The following FEZ1 variants were observed in gnomAD, a reference collection of about 807,000 sequenced individuals.
FEZ1 encodes the protein fasciculation and elongation protein zeta-1.
Under a neutral mutation model 49.3 loss-of-function variants are expected in FEZ1, and 20 were observed. The observed-to-expected ratio is 0.41, with a 90% CI of 0.29 to 0.59. The LOEUF (loss-of-function observed/expected upper bound fraction) is 0.59. Ranked by LOEUF, FEZ1 falls within the 20% of genes least tolerant of loss-of-function variation. The pLI is 0.36. For synonymous variants in FEZ1, 170 were observed against 180.9 expected, an observed-to-expected ratio of 0.94 and a Z score of 0.48; for missense variants, 413 against 476.0, an observed-to-expected ratio of 0.87 and a Z score of 1.23.
In FEZ1 at chr11:125,460,551, A is replaced by G. The variant is rs761745196; in HGVS notation, c.614T>C (p.Leu205Pro). 1 of 1,614,196 alleles carries G rather than the reference A, an allele frequency of 6.2e-7. No homozygotes were observed. Among genetic ancestry groups the G allele is most frequent in the Non-Finnish European group, 8.5e-7 (1 of 1,180,036 alleles). Residue 205 changes from leucine to proline, a missense_variant, in exon 5 of 10, where the codon CTG (leucine) becomes CCG (proline). Coordinates refer to ENST00000278919, the MANE Select transcript of FEZ1 (RefSeq NM_005103.5). ...ETSSQADSVL[L>P]QEMQALTQTF... ...CTGTGTCAATGCCTGCATCTCCTGC[A>G]GGAGGACCGAGTCTGCCTGGGAGGA...
chr11:125,482,283 C>G (rs1341125848), intron 2 of FEZ1, among the ~76,000 whole-genome samples: 3 of 152,094 alleles, frequency 2.0e-5, no homozygotes, highest in Non-Finnish European at 4.4e-5. Flanking sequence ...AAGATCCTGC[C>G]CTCTAACAAT....
chr11:125,466,438 G>T (rs963968729), intron 3 of FEZ1, among the ~76,000 whole-genome samples: 1 of 151,984 alleles, frequency 6.6e-6, no homozygotes, highest in Non-Finnish European at 1.5e-5. Context: ...GCAGTGAGCC[G>T]TGATTATGCC....
chr11:125,480,368 A>G (rs1393563907), intron 3 of FEZ1, among the ~76,000 whole-genome samples: 1 of 152,140 alleles, frequency 6.6e-6, no homozygotes, highest in African/African-American at 2.4e-5. Flanking sequence ...CCTAGGCGAC[A>G]CAGTGAGACC....
Position 125,444,315 on chromosome 11 carries a change from G to GC in FEZ1, c.*1779_*1780insG, listed in dbSNP as rs1956878711. ...AAAAGCAGAAGCCGAGCTAGGCGCG[G>GC]TGACTCACGCCTATAATCCCAGCAC... On this transcript the variant is annotated 3_prime_UTR_variant, in exon 10 of 10. Transcript: ENST00000278919. 6.6e-6 allele frequency among the ~76,000 whole-genome samples: 1 copy of GC among 152,182 alleles called. No individual in the cohort carries two copies. The highest frequency in any genetic ancestry group is 2.1e-4 in the South Asian group (1 of 4,830).
At chr11:125,460,202 T>C in intron 5 of FEZ1, 1 of 269,510 alleles carries the variant, frequency 3.7e-6, no homozygotes, top group East Asian at 7.0e-5. Context: ...GATTTTATGG[T>C]AGCATCATTC....
At chr11:125,449,164 C>A (rs1348486742) in intron 8 of FEZ1, among the ~76,000 whole-genome samples, 1 of 151,720 alleles carries the variant, frequency 6.6e-6, no homozygotes, top group Non-Finnish European at 1.5e-5. Context: ...CTCTCAGCCT[C>A]CCAAGTAGCT....
chr11:125,450,637 T>C (rs759393004), intron 8 of FEZ1, among the ~76,000 whole-genome samples: 1 of 152,148 alleles, frequency 6.6e-6, no homozygotes, highest in Non-Finnish European at 1.5e-5. Flanking sequence ...TACAGGAGAA[T>C]TGGTATTCAG....
rs138138333 is a variant in FEZ1 at position 125,473,661 on chromosome 11, A to C, written c.411+7873T>G. 1.3e-4 allele frequency among the ~76,000 whole-genome samples: 20 copies of C among 152,236 alleles called. No homozygotes were observed. The East Asian group carries it at 3.1e-3, about 24-fold the overall frequency. On this transcript the variant is annotated intron_variant, in intron 3 of 9. Transcript: ENST00000278919. ...TAGTAGAACTCTGCCTCTACTAAAAATACAAAAATTAGCTGGGCATGGTTG... is the reference window on the plus strand; with the variant it reads ...TAGTAGAACTCTGCCTCTACTAAAACTACAAAAATTAGCTGGGCATGGTTG...
chr11:125,473,538 G>C (rs1368024408), intron 3 of FEZ1, among the ~76,000 whole-genome samples: 1 of 152,138 alleles, frequency 6.6e-6, no homozygotes, highest in Non-Finnish European at 1.5e-5. Flanking sequence ...TAATTTGAAG[G>C]CTGGGCACAG....
chr11:125,447,099 A>G (rs1956905818), intron 9 of FEZ1, among the ~76,000 whole-genome samples: 1 of 152,192 alleles, frequency 6.6e-6, no homozygotes, highest in African/African-American at 2.4e-5. Context: ...CTCAAGGACT[A>G]TTAACATCAC....
chr11:125,481,623 C>T lies in FEZ1; in HGVS notation c.322G>A (p.Ala108Thr), dbSNP rs1434884084. 6.2e-7 allele frequency: 1 copy of T among 1,608,316 alleles called. No homozygotes were observed. Among genetic ancestry groups the T allele is most frequent in the Admixed American group, 1.7e-5 (1 of 59,998 alleles). The change falls in exon 3 of 10, where the codon GCT becomes ACT. Residue 108 changes from alanine (A) to threonine (T), a missense_variant. Coordinates refer to ENST00000278919, the MANE Select transcript of FEZ1 (RefSeq NM_005103.5). ...GAAGGGATGTAATTGTCTGTCAGAG[C>T]ATCCCAAACCCTGTAAACAAAGAGA... Reference protein sequence around the residue: ...ETLQDEEVWDALTDNYIPSLS... With the variant: ...ETLQDEEVWDTLTDNYIPSLS...
At position 125,480,822 on chromosome 11, in the gene FEZ1, G is replaced by A. The variant is rs559294252; in HGVS notation, c.411+712C>T. 3.3e-5 allele frequency among the ~76,000 whole-genome samples: 5 copies of A among 152,152 alleles called. No individual in the cohort carries two copies. The South Asian group carries it at 6.2e-4, about 19-fold the overall frequency. On this transcript the variant is annotated intron_variant, in intron 3 of 9. Coordinates refer to ENST00000278919, the MANE Select transcript of FEZ1 (RefSeq NM_005103.5). ...TGGAAGGCCAAGGCGGGCGGATCAC[G>A]GGGTCAGGAGATCAAGACCATCCTG...
At position 125,489,660 on chromosome 11, in the gene FEZ1, C is replaced by A; in HGVS notation, c.118G>T (p.Asp40Tyr). 1 of 1,613,988 alleles carries A rather than the reference C, an allele frequency of 6.2e-7. No homozygotes were observed. The highest frequency in any genetic ancestry group is 8.5e-7 in the Non-Finnish European group (1 of 1,179,974). The stretch of plus-strand genomic sequence containing the variant: ...TTCTCAAGCTCGGAGAGGGAGGGGT[C>A]CTCGAGATGGTGGGGAGATGAACCA... ...FYGSSPHHLE[D>Y]PSLSELENFS... Residue 40 changes from aspartate to tyrosine, a missense_variant, in exon 2 of 10, where the codon GAC becomes TAC. Asp to Tyr is a radical substitution (Grantham distance 160, BLOSUM62 -3). Transcript: ENST00000278919. The surrounding 1 kb of genome is among the most constrained non-coding windows in gnomAD (Gnocchi z 4.2).
In FEZ1 at chr11:125,489,342, C is replaced by T. The variant is rs997886346; in HGVS notation, c.311+125G>A. 70 of 1,468,312 alleles carry T rather than the reference C, an allele frequency of 4.8e-5. No individual in the cohort carries two copies. The highest frequency in any genetic ancestry group is 2.1e-4 in the Admixed American group (8 of 38,748). The allele number at this position is 1,468,312 out of a possible 1,614,324, so 91.0% of individuals were successfully genotyped here. The stretch of plus-strand genomic sequence containing the variant: ...GACAGCAAGTACCAGGGCACTGCTC[C>T]GCTGGCAACACGAAAATGAAAGTAA... On this transcript the variant is annotated intron_variant, in intron 2 of 9. Transcript: ENST00000278919. This position sits in a 1 kb window ranked among gnomAD's most constrained non-coding sequence, Gnocchi z 4.2.
intron 4 of FEZ1, among the ~76,000 whole-genome samples, chr11:125,461,672 G>A (rs1957076581): frequency 6.6e-6 from 1 of 152,200 alleles, no homozygotes; most frequent in African/African-American, 2.4e-5. Context: ...AAAGAAGACT[G>A]CTGCTGAAAG....
intron 3 of FEZ1, among the ~76,000 whole-genome samples, chr11:125,480,578 A>C (rs537071197): frequency 6.6e-6 from 1 of 152,318 alleles, no homozygotes; most frequent in African/African-American, 2.4e-5. Context: ...AGAGAAGCCC[A>C]TGACAGTTTC....
chr11:125,460,437 C>A (rs925246921), intron 5 of FEZ1, 61 bp downstream of exon 5: 21 of 1,505,164 alleles, frequency 1.4e-5, no homozygotes, highest in Non-Finnish European at 1.9e-5. Context: ...AGCACACAGC[C>A]CAGAGCCTGG....
Position 125,495,078 on chromosome 11 carries a change from T to G in FEZ1, c.-46+1043A>C. The G allele has an allele frequency of 3.0e-6, 1 of 333,214 alleles. No homozygotes were observed. The allele number at this position is 333,214 out of a possible 1,614,324, so 20.6% of individuals were successfully genotyped here. A position where few individuals can be genotyped will look rare whatever the true frequency, so the allele number is the denominator to read the frequency against. ...GTGCACATTTTGACAGAAAAAGTATTTCGTTGCATATGGATCAGCAACCCC... is the reference window on the plus strand; with the variant it reads ...GTGCACATTTTGACAGAAAAAGTATGTCGTTGCATATGGATCAGCAACCCC... On this transcript the variant is annotated intron_variant, in intron 1 of 9. Coordinates refer to ENST00000278919, the MANE Select transcript of FEZ1 (RefSeq NM_005103.5). The surrounding 1 kb of genome is among the most constrained non-coding windows in gnomAD (Gnocchi z 4.2).
intron 9 of FEZ1, among the ~76,000 whole-genome samples, chr11:125,447,456 C>A (rs533129545): frequency 5.3e-5 from 8 of 152,074 alleles, no homozygotes; most frequent in Non-Finnish European, 8.8e-5. Context: ...CTTTATTGGC[C>A]CCTGATTCAA....
Sources: gnomAD v4.1 joint callset for allele counts (sites outside exome capture counted in the v4.1 genomes callset) on GRCh38, gnomAD v4.1.1 for gene constraint, Gnocchi (gnomAD v3.1) non-coding constraint, MANE v1.5 for transcripts, NCBI Gene and HGNC (gene_info 2026-07-23, HGNC 2026-07-21) for gene names.